The following RAP1GAP2 variants were observed in gnomAD, a reference collection of about 807,000 sequenced individuals.
RAP1GAP2 encodes RAP1 GTPase activating protein 2, also known as rap1 GTPase-activating protein 2.
In RAP1GAP2, 27 loss-of-function variants were observed where a neutral mutation model predicts 95.0. The observed-to-expected ratio is 0.28, with a 90% CI of 0.21 to 0.39. RAP1GAP2 has a LOEUF of 0.39. Ranked by LOEUF, RAP1GAP2 falls within the 10% of genes least tolerant of loss-of-function variation. RAP1GAP2 has a pLI of 1.00. For missense variants in RAP1GAP2, 771 were observed against 970.0 expected, an observed-to-expected ratio of 0.79 and a Z score of 2.72; for synonymous variants, 373 against 380.9, an observed-to-expected ratio of 0.98 and a Z score of 0.24.
rs1210153017 is a variant in RAP1GAP2, at chr17:2,871,402, C to T, written c.81-33882C>T. Among the ~76,000 whole-genome samples, 1 of 152,058 alleles carries T rather than the reference C, an allele frequency of 6.6e-6. No homozygotes were observed. The highest frequency in any genetic ancestry group is 1.5e-5 in the Non-Finnish European group (1 of 68,012). On this transcript the variant is annotated intron_variant, in intron 2 of 24. Transcript: ENST00000254695. This position sits in a 1 kb window ranked among gnomAD's most constrained non-coding sequence, Gnocchi z 5.0. ...CAGTCCCTATGTGCAGGGGTGGGAG[C>T]GGGGAGCCATGATTGGCCCAGGGAG... is the stretch of plus-strand genomic sequence containing the variant.
chr17:2,873,960 G>T (rs892158159), intron 2 of RAP1GAP2, among the ~76,000 whole-genome samples: 11 of 151,692 alleles, frequency 7.3e-5, no homozygotes, highest in Non-Finnish European at 1.3e-4. Flanking sequence ...CGCGGTGGGG[G>T]GGGGCGGGTT....
chr17:2,906,426 G>A lies in RAP1GAP2; in HGVS notation c.165+1058G>A, dbSNP rs1033825809. Among the ~76,000 whole-genome samples, 1 of 149,532 alleles carries A rather than the reference G, an allele frequency of 6.7e-6. No homozygotes were observed. The highest frequency in any genetic ancestry group is 6.6e-5 in the Admixed American group (1 of 15,130). ...CCTCGAGGAGCCTGTGTGTTGAGGGGTAGCCAGAGCCTGCCCTGGGTGGGT... is the reference window on the plus strand; with the variant it reads ...CCTCGAGGAGCCTGTGTGTTGAGGGATAGCCAGAGCCTGCCCTGGGTGGGT... On this transcript the variant is annotated intron_variant, in intron 3 of 24. Coordinates refer to ENST00000254695, the MANE Select transcript of RAP1GAP2 (RefSeq NM_015085.5). The surrounding 1 kb of genome is among the most constrained non-coding windows in gnomAD (Gnocchi z 4.3).
At chr17:2,858,925 AC>A (rs1356601233) in intron 2 of RAP1GAP2, among the ~76,000 whole-genome samples, 1 of 151,758 alleles carries the variant, frequency 6.6e-6, no homozygotes, top group African/African-American at 2.4e-5. Flanking sequence ...TCTTAAAAAA[AC>A]CCCCGTAACA....
At chr17:3,014,894 G>A (rs913574963) in intron 17 of RAP1GAP2, among the ~76,000 whole-genome samples, 1 of 152,156 alleles carries the variant, frequency 6.6e-6, no homozygotes, top group Non-Finnish European at 1.5e-5. Context: ...ACTCATTCAT[G>A]GAACCTGGCT....
Position 2,903,294 on chromosome 17 carries a change from C to G in RAP1GAP2, c.81-1990C>G, listed in dbSNP as rs1433541967. Among the ~76,000 whole-genome samples the G allele has an allele frequency of 6.6e-6, 1 of 152,152 alleles. No individual in the cohort carries two copies. The highest frequency in any genetic ancestry group is 1.5e-5 in the Non-Finnish European group (1 of 68,034). On this transcript the variant is annotated intron_variant, in intron 2 of 24. Transcript: ENST00000254695. The surrounding 1 kb of genome is among the most constrained non-coding windows in gnomAD (Gnocchi z 4.1). ...AAAGGCCAGGCCCATTGAGGAGGAG[C>G]TGTGGCTGCTTGGGAGAGGGCCAGG...
intron 1 of RAP1GAP2, among the ~76,000 whole-genome samples, chr17:2,763,948 G>A (rs2068231928): frequency 6.6e-6 from 1 of 151,986 alleles, no homozygotes; most frequent in African/African-American, 2.4e-5. Context: ...AGGACAGCAT[G>A]ATGTGATGTG....
At chr17:2,921,115 G>A (rs1266250875) in intron 3 of RAP1GAP2, among the ~76,000 whole-genome samples, 2 of 152,132 alleles carry the variant, frequency 1.3e-5, no homozygotes, top group Non-Finnish European at 2.9e-5. Flanking sequence ...CAGGCCTTGG[G>A]GTGTAGATTT....
chr17:2,938,904 T>G (rs1352907238), intron 3 of RAP1GAP2, among the ~76,000 whole-genome samples: 1 of 152,074 alleles, frequency 6.6e-6, no homozygotes, highest in Non-Finnish European at 1.5e-5. Context: ...GAGAATCTCT[T>G]GAACCCAGGA....
chr17:2,853,887 G>GCGGAGGC, intron 2 of RAP1GAP2: 3 of 974,372 alleles, frequency 3.1e-6, no homozygotes, highest in Non-Finnish European at 2.4e-6. Context: ...CCCATGCGAG[G>GCGGAGGC]CGGAGGCCGG....
rs2047511035 is a variant in RAP1GAP2 at position 3,037,679 on chromosome 17, T to TTGAC, written c.*4318_*4319insTGAC. 6.6e-6 allele frequency: 1 copy of TTGAC among 152,440 alleles called. No individual in the cohort carries two copies. Among genetic ancestry groups the TTGAC allele is most frequent in the African/African-American group, 2.4e-5 (1 of 41,398 alleles). The allele number at this position is 152,440 out of a possible 1,614,324, so 9.4% of individuals were successfully genotyped here. On this transcript the variant is annotated 3_prime_UTR_variant, in exon 25 of 25. Coordinates refer to ENST00000254695, the MANE Select transcript of RAP1GAP2 (RefSeq NM_015085.5). ...ACAAATTCTAAAAGGTTGACAAATG[T>TTGAC]ATATTTTGTTGCTTAAATGTGTCTT...
intron 2 of RAP1GAP2, among the ~76,000 whole-genome samples, chr17:2,895,444 C>T (rs995699641): frequency 4.6e-5 from 7 of 152,240 alleles, no homozygotes; most frequent in Non-Finnish European, 8.8e-5. Context: ...CCTCTCTGAG[C>T]CTCATTTTCC....
intron 3 of RAP1GAP2, among the ~76,000 whole-genome samples, chr17:2,910,788 C>T (rs755982938): frequency 4.6e-5 from 7 of 152,290 alleles, no homozygotes; most frequent in South Asian, 2.1e-4. Context: ...TGTAATGGCG[C>T]GATCTCGGCT....
At chr17:2,837,518 C>T (rs192584313) in intron 2 of RAP1GAP2, among the ~76,000 whole-genome samples, 23 of 151,904 alleles carry the variant, frequency 1.5e-4, no homozygotes, top group Middle Eastern at 3.4e-3. Context: ...GTCAGCTCCT[C>T]GTTTCCTGGG....
At chr17:2,905,496 G>A (rs1183712285) in intron 3 of RAP1GAP2, 128 bp downstream of exon 3, 14 of 843,022 alleles carry the variant, frequency 1.7e-5, no homozygotes, top group Non-Finnish European at 2.2e-5. Context: ...CTGACACCTC[G>A]GAGGAGGTGA....
intron 2 of RAP1GAP2, among the ~76,000 whole-genome samples, chr17:2,890,244 A>G (rs1232856697): frequency 6.6e-6 from 1 of 152,124 alleles, no homozygotes; most frequent in African/African-American, 2.4e-5. Context: ...AGCTTCATGC[A>G]TTTGTCTTTC....
intron 3 of RAP1GAP2, among the ~76,000 whole-genome samples, chr17:2,914,432 T>A (rs1371567090): frequency 6.6e-6 from 1 of 152,208 alleles, no homozygotes; most frequent in Non-Finnish European, 1.5e-5. Flanking sequence ...CTCCTTCCTT[T>A]AAATTCGGTA....
chr17:3,030,871 C>T, intron 22 of RAP1GAP2, 51 bp from the exon 23 acceptor site: 4 of 1,511,184 alleles, frequency 2.6e-6, no homozygotes, highest in Middle Eastern at 3.4e-4. Context: ...ACACACAGCC[C>T]CAGTGGCCTC....
At chr17:2,892,954 C>T (rs1056074697) in intron 2 of RAP1GAP2, among the ~76,000 whole-genome samples, 2 of 152,102 alleles carry the variant, frequency 1.3e-5, no homozygotes, top group African/African-American at 4.8e-5. Flanking sequence ...TTTTCTGTAT[C>T]TTTATGTTTT....
At chr17:2,862,199 A>G (rs1158652204) in intron 2 of RAP1GAP2, among the ~76,000 whole-genome samples, 1 of 151,922 alleles carries the variant, frequency 6.6e-6, no homozygotes, top group African/African-American at 2.4e-5. Context: ...GCTCTTCTTG[A>G]CACTGCGTTC....
Sources: allele counts gnomAD v4.1 joint callset (sites outside exome capture counted in the v4.1 genomes callset), GRCh38; gene constraint gnomAD v4.1.1; non-coding constraint Gnocchi (gnomAD v3.1); transcripts MANE v1.5; gene names NCBI Gene and HGNC (gene_info 2026-07-23, HGNC 2026-07-21).